The following MGST1 variants were observed in gnomAD, a reference collection of about 807,000 sequenced individuals.
MGST1 encodes the protein glutathione S-transferase 12.
MGST1 carries 5 observed loss-of-function variants against 8.9 expected under a neutral mutation model. That is an observed-to-expected ratio of 0.56 (90% CI 0.29 to 1.19). The LOEUF is 1.19. Among genes scored for constraint, MGST1 ranks in the 50% most tolerant of loss-of-function variants. MGST1 has a pLI of 0.08. For synonymous variants in MGST1, 54 were observed against 67.8 expected, an observed-to-expected ratio of 0.80 and a Z score of 1.00; for missense variants, 182 against 187.4, an observed-to-expected ratio of 0.97 and a Z score of 0.17.
intron 1 of MGST1, chr12:16,400,603 C>G (rs545142585): frequency 8.9e-7 from 1 of 1,122,958 alleles, no homozygotes; most frequent in African/African-American, 1.5e-5. Flanking sequence ...TGTCTGTTCC[C>G]CGGTCATCGT....
chr12:16,554,912 T>C (rs1313466013), intron 4 of MGST1, among the ~76,000 whole-genome samples: 1 of 152,132 alleles, frequency 6.6e-6, no homozygotes, highest in Non-Finnish European at 1.5e-5. Flanking sequence ...CCCGCCCGCC[T>C]CGGCCTCCCA....
rs115902464 is a variant in MGST1, at chr12:16,400,121, G to A, written n.778+16517G>A. On this transcript the variant is annotated intron_variant and non_coding_transcript_variant, in intron 1 of 1. Transcript: ENST00000359720. ...GTTTTCAGTTTGTGCCTCATTTCTC[G>A]TTCCATCTGCTCAGCATAGAGGTCA... 4,825 of 1,534,324 alleles carry A rather than the reference G, an allele frequency of 3.1e-3. 155 individuals are homozygous for A. The Admixed American group carries it at 0.061, about 19-fold the overall frequency.
At chr12:16,446,873 C>T (rs1304165414) in intron 4 of MGST1, among the ~76,000 whole-genome samples, 1 of 151,840 alleles carries the variant, frequency 6.6e-6, no homozygotes, top group African/African-American at 2.4e-5. Flanking sequence ...CTTGTTGATT[C>T]TGGTGTCCCT....
chr12:16,395,355 T>A lies in MGST1; in HGVS notation n.778+11751T>A, dbSNP rs1478121217. Among the ~76,000 whole-genome samples the A allele has an allele frequency of 2.0e-5, 3 of 152,328 alleles. No homozygotes were observed. The East Asian group carries it at 5.8e-4, about 29-fold the overall frequency. On this transcript the variant is annotated intron_variant and non_coding_transcript_variant, in intron 1 of 1. Coordinates refer to the MGST1 transcript ENST00000359720. ...CTCTCTACATTTAGTTACATTGATC[T>A]ATGCGTTAACCCAGCATAGTAATGC...
rs528801867 is a variant in MGST1, at chr12:16,482,833, G to T, written n.482+99229G>T. ...GTCAAGCTTGACTAATCATTTCAAGGATTCAGCAATCAGGAGTCCTAGGCA... is the reference window on the plus strand; with the variant it reads ...GTCAAGCTTGACTAATCATTTCAAGTATTCAGCAATCAGGAGTCCTAGGCA... On this transcript the variant is annotated intron_variant and non_coding_transcript_variant, in intron 4 of 4. Transcript: ENST00000538857. The surrounding 1 kb of genome is among the most constrained non-coding windows in gnomAD (Gnocchi z 4.2). Among the ~76,000 whole-genome samples the T allele has an allele frequency of 6.8e-4, 104 of 152,110 alleles. No homozygotes were observed. Among genetic ancestry groups the T allele is most frequent in the Non-Finnish European group, 1.2e-3 (84 of 68,012 alleles).
At chr12:16,467,135 G>A (rs995750026) in intron 4 of MGST1, among the ~76,000 whole-genome samples, 4 of 152,198 alleles carry the variant, frequency 2.6e-5, no homozygotes, top group African/African-American at 7.2e-5. Context: ...CTCATGTAGT[G>A]TGATTTTCAC....
intron 4 of MGST1, among the ~76,000 whole-genome samples, chr12:16,522,116 G>A (rs1478165131): frequency 2.6e-5 from 4 of 152,248 alleles, no homozygotes; most frequent in Non-Finnish European, 5.9e-5. Context: ...TGTAATCAGG[G>A]TCTAGCCTGA....
intron 1 of MGST1, among the ~76,000 whole-genome samples, chr12:16,403,115 C>G (rs2137064833): frequency 6.6e-6 from 1 of 152,034 alleles, no homozygotes; most frequent in East Asian, 1.9e-4. Context: ...ATATGAATAC[C>G]TAAGACTGTA....
At chr12:16,580,503 G>C (rs1021253898) in intron 4 of MGST1, among the ~76,000 whole-genome samples, 2 of 152,134 alleles carry the variant, frequency 1.3e-5, no homozygotes, top group African/African-American at 4.8e-5. Context: ...ATCTTGGATT[G>C]GATCTTGATT....
chr12:16,371,959 A>C (rs921058259), intron 3 of MGST1, among the ~76,000 whole-genome samples: 1 of 152,104 alleles, frequency 6.6e-6, no homozygotes, highest in Non-Finnish European at 1.5e-5. Context: ...AATAAATGCT[A>C]CTGGGAAAAT....
intron 1 of MGST1, among the ~76,000 whole-genome samples, chr12:16,395,198 T>C (rs1294507312): frequency 1.3e-5 from 2 of 150,684 alleles, no homozygotes; most frequent in Admixed American, 6.6e-5. Context: ...AAGGATTTTT[T>C]ATATATATAT....
intron 4 of MGST1, among the ~76,000 whole-genome samples, chr12:16,483,404 AC>A (rs1218326686): frequency 1.3e-5 from 2 of 152,032 alleles, no homozygotes; most frequent in Non-Finnish European, 2.9e-5. Context: ...GCAACTTCCA[AC>A]CAACGGTGTG....
chr12:16,356,818 C>A (rs1939735753), intron 2 of MGST1, among the ~76,000 whole-genome samples: 1 of 152,210 alleles, frequency 6.6e-6, no homozygotes, highest in Non-Finnish European at 1.5e-5. Flanking sequence ...CATGTTCTGA[C>A]AGAGTACAAG....
chr12:16,539,855 A>C (rs1941782420), intron 4 of MGST1, among the ~76,000 whole-genome samples: 1 of 152,224 alleles, frequency 6.6e-6, no homozygotes, highest in Non-Finnish European at 1.5e-5. Flanking sequence ...TTTGGAGACT[A>C]CTATTTCATA....
Position 16,347,831 on chromosome 12 carries a change from T to G in MGST1, c.-23+121T>G, listed in dbSNP as rs1939270525. 6.6e-6 allele frequency: 1 copy of G among 152,298 alleles called. No individual in the cohort carries two copies. The highest frequency in any genetic ancestry group is 6.5e-5 in the Admixed American group (1 of 15,282). 9.4% of individuals were successfully genotyped at this position (152,298 alleles called of 1,614,324 possible). Reference sequence around the variant, plus strand: ...GCCAGCTGGAAGTGCTTGGCTCCACTTAGCAGCTAAACTTAGCTTTTCAAT... The same window carrying G: ...GCCAGCTGGAAGTGCTTGGCTCCACGTAGCAGCTAAACTTAGCTTTTCAAT... On this transcript the variant is annotated intron_variant, in intron 1 of 3. Transcript: ENST00000396210. This position sits in a 1 kb window ranked among gnomAD's most constrained non-coding sequence, Gnocchi z 4.0.
intron 2 of MGST1, among the ~76,000 whole-genome samples, chr12:16,356,862 T>C (rs1475699661): frequency 6.6e-6 from 1 of 152,236 alleles, no homozygotes; most frequent in East Asian, 1.9e-4. Flanking sequence ...TTTATGCTTC[T>C]TGCCTGTTCT....
chr12:16,402,272 A>AAG (rs1414666177), intron 1 of MGST1: 59 of 1,589,242 alleles, frequency 3.7e-5, no homozygotes, highest in Non-Finnish European at 4.7e-5. Context: ...TCTGTAAGGC[A>AAG]GTTGATTTGG....
chr12:16,438,490 A>G (rs941595397), exon 2 of MGST1: 1 of 151,892 alleles, frequency 6.6e-6, no homozygotes, highest in Non-Finnish European at 1.5e-5. Context: ...AGGGGTTAAC[A>G]TATGAATAGA....
rs1419364762 is a variant in MGST1 at position 16,584,124 on chromosome 12, C to T, written n.483-5404C>T. The stretch of plus-strand genomic sequence containing the variant: ...GTCATCTCTAAGCCTTTTAGAATCC[C>T]TAGAATTGTGGTAAGAGGGAAATGA... On this transcript the variant is annotated intron_variant and non_coding_transcript_variant, in intron 4 of 4. Transcript: ENST00000538857. This position sits in a 1 kb window ranked among gnomAD's most constrained non-coding sequence, Gnocchi z 5.2. Among the ~76,000 whole-genome samples the T allele has an allele frequency of 1.3e-5, 2 of 152,068 alleles. No homozygotes were observed. The highest frequency in any genetic ancestry group is 4.8e-5 in the African/African-American group (2 of 41,402).
Sources: allele counts gnomAD v4.1 joint callset (sites outside exome capture counted in the v4.1 genomes callset), GRCh38; gene constraint gnomAD v4.1.1; non-coding constraint Gnocchi (gnomAD v3.1); transcripts MANE v1.5; gene names NCBI Gene and HGNC (gene_info 2026-07-23, HGNC 2026-07-21).